CAST: variants seen among roughly 807,000 people sequenced by gnomAD.
CAST encodes calpastatin, also known as MIR583 host.
Under a neutral mutation model 119.6 loss-of-function variants are expected in CAST, and 76 were observed. The ratio of observed to expected loss-of-function variants is 0.64; its 90% CI spans 0.53 to 0.77. The LOEUF is 0.77. Among genes scored for constraint, CAST ranks in the 30% least tolerant of loss-of-function variants. The pLI, the probability that CAST is intolerant of heterozygous loss-of-function variation, is 0.00. For synonymous variants in CAST, 319 were observed against 331.6 expected (o/e 0.96, Z 0.41); for missense variants, 953 against 946.5 (o/e 1.01, Z -0.09).
chr5:96,295,773 G>A, the CAST span, among the ~76,000 whole-genome samples: 16 of 152,262 alleles, frequency 1.1e-4, no homozygotes, highest in African/African-American at 3.4e-4. Flanking sequence ...GAAGTGTCAC[G>A]TAAAGCAGAC....
the CAST span, among the ~76,000 whole-genome samples, chr5:96,399,683 C>A: frequency 6.6e-6 from 1 of 152,116 alleles, no homozygotes; most frequent in Non-Finnish European, 1.5e-5. Flanking sequence ...GGTGGTTGAT[C>A]ACAGTTTAAT....
At chr5:96,275,819 A>C in the CAST span, among the ~76,000 whole-genome samples, 1 of 152,218 alleles carries the variant, frequency 6.6e-6, no homozygotes, top group Admixed American at 6.5e-5. Context: ...GTAATTAATT[A>C]GTGGAGAGAG....
At chr5:96,287,372 CAA>C in the CAST span, among the ~76,000 whole-genome samples, 1 of 152,050 alleles carries the variant, frequency 6.6e-6, no homozygotes, top group South Asian at 2.1e-4. Context: ...GCGGTATTTA[CAA>C]AGAGTCATTT....
At chr5:96,493,892 A>C in the CAST span, among the ~76,000 whole-genome samples, 25 of 151,368 alleles carry the variant, frequency 1.7e-4, no homozygotes, top group Admixed American at 1.1e-3. Flanking sequence ...AAAATTAGTC[A>C]CTCACGGTGG....
At chr5:96,516,545 G>C in the CAST span, among the ~76,000 whole-genome samples, 1 of 152,178 alleles carries the variant, frequency 6.6e-6, no homozygotes, top group Non-Finnish European at 1.5e-5. Context: ...ATGGTTGTTA[G>C]AGTTGTTTTG....
chr5:96,588,816 A>G (rs1292073442), intron 1 of CAST, among the ~76,000 whole-genome samples: 3 of 152,196 alleles, frequency 2.0e-5, no homozygotes, highest in Non-Finnish European at 4.4e-5. Flanking sequence ...CAAAGAAAGG[A>G]TTCATGTGAA....
chr5:96,432,031 T>A, the CAST span: 6 of 1,313,242 alleles, frequency 4.6e-6, no homozygotes, highest in Non-Finnish European at 6.4e-6. Context: ...GACCAAGCCT[T>A]CACTTGGACA....
chr5:96,676,581 T>A (rs1365253826), intron 2 of CAST, among the ~76,000 whole-genome samples: 2 of 152,172 alleles, frequency 1.3e-5, no homozygotes, highest in Non-Finnish European at 2.9e-5. Flanking sequence ...TTTAGATTGT[T>A]TCTTACCAAG....
chr5:96,567,353 T>C (rs765019204), intron 1 of CAST, among the ~76,000 whole-genome samples: 5 of 152,184 alleles, frequency 3.3e-5, no homozygotes, highest in Non-Finnish European at 7.3e-5. Flanking sequence ...AGCATATCTA[T>C]CCATGCATAT....
chr5:96,397,442 C>T, the CAST span: 1 of 1,613,312 alleles, frequency 6.2e-7, no homozygotes, highest in Non-Finnish European at 8.5e-7. Flanking sequence ...ATCCCGTTCT[C>T]TTTCAGCCAA....
chr5:96,354,788 T>C, the CAST span, among the ~76,000 whole-genome samples: 1 of 150,492 alleles, frequency 6.6e-6, no homozygotes, highest in Non-Finnish European at 1.5e-5. Context: ...TTCTGGAGCT[T>C]AGGCAATAAA....
At chr5:96,620,288 C>CTTTTTTT (rs60552077) in intron 1 of CAST, among the ~76,000 whole-genome samples, 1 of 134,558 alleles carries the variant, frequency 7.4e-6, no homozygotes. Context: ...AGTTCTTTTT[C>CTTTTTTT]TTTTTTTTTT....
the CAST span, among the ~76,000 whole-genome samples, chr5:96,337,796 AC>A: frequency 4.6e-5 from 7 of 152,170 alleles, no homozygotes; most frequent in Admixed American, 2.6e-4. Flanking sequence ...TTGATTTCTG[AC>A]ATCAAATCAA....
Position 96,767,968 on chromosome 5 carries a change from C to T in CAST, c.2237C>T (p.Ser746Phe). 3.7e-6 allele frequency: 6 copies of T among 1,613,162 alleles called. No homozygotes were observed. The highest frequency in any genetic ancestry group is 2.7e-5 in the African/African-American group (2 of 75,002). The change falls in exon 29 of 32, where the codon TCC (serine) becomes TTC (phenylalanine). Residue 746 changes from serine (S) to phenylalanine (F), a missense_variant. Coordinates refer to ENST00000675179, the MANE Select transcript of CAST (RefSeq NM_001750.7). ...ALSGDLDSCPSTTETSQNTAK... is the reference protein window; with the variant it reads ...ALSGDLDSCPFTTETSQNTAK... Reference sequence around the variant, plus strand: ...TCAGGAGATCTGGACAGCTGTCCCTCCACTACAGAAACCTCACAGAACACA... The same window carrying T: ...TCAGGAGATCTGGACAGCTGTCCCTTCACTACAGAAACCTCACAGAACACA...
At chr5:96,361,877 C>T in the CAST span, among the ~76,000 whole-genome samples, 1 of 140,288 alleles carries the variant, frequency 7.1e-6, no homozygotes, top group Admixed American at 7.7e-5. Flanking sequence ...GGTACATGTG[C>T]ACAACGTGCA....
the CAST span, among the ~76,000 whole-genome samples, chr5:96,170,956 G>A: frequency 6.6e-6 from 1 of 152,166 alleles, no homozygotes; most frequent in Non-Finnish European, 1.5e-5. Context: ...GCTCGGCCTG[G>A]CGAGGAGCAG....
chr5:96,261,224 G>A, the CAST span, among the ~76,000 whole-genome samples: 3 of 152,212 alleles, frequency 2.0e-5, no homozygotes, highest in Non-Finnish European at 2.9e-5. Context: ...CTACAATGAT[G>A]AAAATGTTGT....
rs573683344 is a variant in CAST at position 96,558,901 on chromosome 5, C to CA, written c.60+29028dup. On this transcript the variant is annotated intron_variant, in intron 1 of 11. Coordinates refer to the CAST transcript ENST00000505143. ...ATACCAAAGCCTGGCAGAGACACAA[C>CA]AAAAAAAGAGAATTTTAGACCAATA... Among the ~76,000 whole-genome samples, 805 of 151,708 alleles carry CA rather than the reference C, an allele frequency of 5.3e-3. 4 individuals are homozygous for CA. The highest frequency in any genetic ancestry group is 7.1e-3 in the Non-Finnish European group (481 of 67,864).
In CAST at chr5:96,534,674, GAA is replaced by G. The variant is rs1469383034; in HGVS notation, c.60+4796_60+4797del. Among the ~76,000 whole-genome samples the G allele has an allele frequency of 2.1e-3, 273 of 130,802 alleles. 2 individuals carry two copies. The highest frequency in any genetic ancestry group is 7.8e-3 in the African/African-American group (258 of 33,064). The allele number at this position is 130,802 out of a possible 152,430, so 85.8% of individuals were successfully genotyped here. The stretch of plus-strand genomic sequence containing the variant: ...GCAAAGTGAGACTTCATCAAAGAAA[GAA>G]AGAGAGAGAGAGAGGAAGGAAGGAA... On this transcript the variant is annotated intron_variant, in intron 1 of 11. Transcript: ENST00000505143.
Sources: gnomAD v4.1 joint callset for allele counts (sites outside exome capture counted in the v4.1 genomes callset) on GRCh38, gnomAD v4.1.1 for gene constraint, MANE v1.5 for transcripts, NCBI Gene and HGNC (gene_info 2026-07-23, HGNC 2026-07-21) for gene names.